The following ITGA2 variants were observed in gnomAD, a reference collection of about 807,000 sequenced individuals.
ITGA2 encodes integrin alpha-2.
A neutral mutation model predicts 146.3 loss-of-function variants in ITGA2; 101 were observed. That is an observed-to-expected ratio of 0.69 (90% CI 0.59 to 0.81). The LOEUF is 0.81. Among genes scored for constraint, ITGA2 ranks in the 40% least tolerant of loss-of-function variants. The pLI is 0.00. For synonymous variants in ITGA2, 477 were observed against 487.1 expected, an observed-to-expected ratio of 0.98 and a Z score of 0.27; for missense variants, 1,281 against 1,402.7, an observed-to-expected ratio of 0.91 and a Z score of 1.39.
At chr5:53,007,311 C>T (rs1032700270) in intron 1 of ITGA2, among the ~76,000 whole-genome samples, 1 of 152,016 alleles carries the variant, frequency 6.6e-6, no homozygotes, top group Non-Finnish European at 1.5e-5. Context: ...TCAGAAAAGA[C>T]CCTAACCAAA....
At chr5:53,070,647 G>A (rs1055544875) in intron 17 of ITGA2, among the ~76,000 whole-genome samples, 3 of 151,744 alleles carry the variant, frequency 2.0e-5, no homozygotes, top group Non-Finnish European at 2.9e-5. Flanking sequence ...TCCAATTGTG[G>A]TTTCTACTAT....
intron 19 of ITGA2, 108 bp downstream of exon 19, chr5:53,072,803 A>G (rs1745464045): frequency 3.1e-6 from 3 of 967,656 alleles, no homozygotes; most frequent in Non-Finnish European, 4.7e-6. Context: ...AAACATTCAT[A>G]ACTCATAAAT....
chr5:53,073,119 GAAC>G lies in ITGA2; in HGVS notation c.2435_2437del (p.Gln812del). 1 of 1,611,592 alleles carries G rather than the reference GAAC, an allele frequency of 6.2e-7. No individual in the cohort carries two copies. The highest frequency in any genetic ancestry group is 8.5e-7 in the Non-Finnish European group (1 of 1,178,568). Reference sequence around the variant, plus strand: ...CCCCCTCCTTTTTACTTTTAACAGAGAACAACCCTTTATTGTCAGCAACCAAAA... The same window carrying G: ...CCCCCTCCTTTTTACTTTTAACAGAGAACCCTTTATTGTCAGCAACCAAAA... On this transcript the variant is annotated inframe_deletion and splice_region_variant, in exon 20 of 30. Coordinates refer to ENST00000296585, the MANE Select transcript of ITGA2 (RefSeq NM_002203.4).
At chr5:53,010,639 C>T (rs888534945) in intron 1 of ITGA2, among the ~76,000 whole-genome samples, 15 of 152,042 alleles carry the variant, frequency 9.9e-5, no homozygotes, top group Non-Finnish European at 1.3e-4. Context: ...GATGAGATTT[C>T]GAGCTCAGAG....
chr5:53,049,307 C>T (rs1275388844), intron 6 of ITGA2, among the ~76,000 whole-genome samples: 10 of 152,132 alleles, frequency 6.6e-5, no homozygotes, highest in Non-Finnish European at 1.2e-4. Context: ...CCACCATGCC[C>T]GGCCAGGATA....
At position 53,053,010 on chromosome 5, in the gene ITGA2, C is replaced by A. The variant is rs1744452736; in HGVS notation, c.779+1451C>A. 2.6e-5 allele frequency among the ~76,000 whole-genome samples: 4 copies of A among 152,158 alleles called. No homozygotes were observed. The East Asian group carries it at 7.7e-4, about 29-fold the overall frequency. ...CACTTACCAAATTCAATCTGTCCCACACTGGCCTTATTCTTTTCCCTACCA... is the reference window on the plus strand; with the variant it reads ...CACTTACCAAATTCAATCTGTCCCAAACTGGCCTTATTCTTTTCCCTACCA... On this transcript the variant is annotated intron_variant, in intron 7 of 29. Transcript: ENST00000296585.
intron 17 of ITGA2, among the ~76,000 whole-genome samples, chr5:53,070,928 A>G (rs3212573): frequency 0.11 from 16,902 of 151,904 alleles, 1,137 homozygotes; most frequent in African/African-American, 0.19. Context: ...CTTAGAATAC[A>G]GTTCTCAGAA....
At chr5:53,075,726 C>T (rs1008589101) in intron 23 of ITGA2, among the ~76,000 whole-genome samples, 4 of 152,020 alleles carry the variant, frequency 2.6e-5, no homozygotes, top group Admixed American at 1.3e-4. Context: ...AAGCCCCAAG[C>T]ACAATGTTTT....
Position 53,051,513 on chromosome 5 carries a change from T to C in ITGA2, c.733T>C (p.Tyr245His), listed in dbSNP as rs1351610489. The C allele has an allele frequency of 6.2e-7, 1 of 1,613,636 alleles. No individual in the cohort carries two copies. The highest frequency in any genetic ancestry group is 8.5e-7 in the Non-Finnish European group (1 of 1,179,738). Residue 245 changes from tyrosine to histidine, a missense_variant, in exon 7 of 30, where the codon TAT (tyrosine) becomes CAT (histidine). Physicochemically the swap from Tyr to His is moderately conservative, Grantham distance 83 (BLOSUM62 2). Around this residue, in one of 3 missense-constraint regions of ITGA2, gnomAD observed 795 missense variants for 841.7 expected, o/e 0.94. Transcript: ENST00000296585. ...MIVATSQTSQ[Y>H]GGDLTNTFGA... Reference sequence around the variant, plus strand: ...TGTAGCAACATCCCAGACATCCCAATATGGTGGGGACCTCACAAACACATT... The same window carrying C: ...TGTAGCAACATCCCAGACATCCCAACATGGTGGGGACCTCACAAACACATT...
At chr5:53,032,159 G>C (rs1182454728) in intron 2 of ITGA2, among the ~76,000 whole-genome samples, 1 of 142,640 alleles carries the variant, frequency 7.0e-6, no homozygotes, top group African/African-American at 2.4e-5. Flanking sequence ...AAGTGTCATA[G>C]CAAAAAATAA....
At chr5:53,053,001 T>A (rs1744451516) in intron 7 of ITGA2, among the ~76,000 whole-genome samples, 1 of 152,168 alleles carries the variant, frequency 6.6e-6, no homozygotes, top group Non-Finnish European at 1.5e-5. Flanking sequence ...CCAAATTCAA[T>A]CTGTCCCACA....
chr5:53,000,352 T>A (rs1288570723), intron 1 of ITGA2, among the ~76,000 whole-genome samples: 1 of 152,214 alleles, frequency 6.6e-6, no homozygotes, highest in Non-Finnish European at 1.5e-5. Flanking sequence ...TTACATTGAT[T>A]GATATTAAAA....
At chr5:53,036,752 G>GA (rs1399274029) in intron 2 of ITGA2, among the ~76,000 whole-genome samples, 34 of 150,218 alleles carry the variant, frequency 2.3e-4, no homozygotes, top group Non-Finnish European at 3.4e-4. Flanking sequence ...CCTCAGGCTA[G>GA]AAACTTTTTT....
intron 9 of ITGA2, 123 bp from the exon 10 acceptor site, chr5:53,057,902 T>C: frequency 4.1e-6 from 3 of 727,084 alleles, no homozygotes; most frequent in East Asian, 5.3e-5. Flanking sequence ...TGGGTGAGTA[T>C]TGGAACAGTG....
chr5:53,044,967 TA>T (rs773620539), intron 3 of ITGA2, 33 bp from the exon 4 acceptor site: 1 of 1,498,200 alleles, frequency 6.7e-7, no homozygotes, highest in South Asian at 1.1e-5. Context: ...GAGGAATTTT[TA>T]ATCACTTTTA....
chr5:53,008,563 A>G (rs1319376771), intron 1 of ITGA2, among the ~76,000 whole-genome samples: 1 of 152,076 alleles, frequency 6.6e-6, no homozygotes, highest in African/African-American at 2.4e-5. Context: ...AGTGTCAAAC[A>G]TATGATATAT....
intron 23 of ITGA2, among the ~76,000 whole-genome samples, chr5:53,075,533 A>G (rs1336682238): frequency 1.3e-5 from 2 of 151,958 alleles, no homozygotes; most frequent in Non-Finnish European, 2.9e-5. Context: ...AGGCAGAGAA[A>G]GATCCCCGTA....
At chr5:53,083,987 G>GCC (rs1746040086) in intron 27 of ITGA2, among the ~76,000 whole-genome samples, 1 of 152,176 alleles carries the variant, frequency 6.6e-6, no homozygotes, top group Non-Finnish European at 1.5e-5. Flanking sequence ...TGTTGGGAGA[G>GCC]CCCAGTGGGC....
intron 1 of ITGA2, among the ~76,000 whole-genome samples, chr5:52,996,789 T>C (rs3212660): frequency 6.6e-6 from 1 of 152,306 alleles, no homozygotes; most frequent in Non-Finnish European, 1.5e-5. Flanking sequence ...GAAATATAGA[T>C]TTATGTTTCT....
Sources: gnomAD v4.1 joint callset for allele counts (sites outside exome capture counted in the v4.1 genomes callset) on GRCh38, gnomAD v4.1.1 for gene constraint, gnomAD v4.1.1 regional missense constraint, MANE v1.5 for transcripts, NCBI Gene and HGNC (gene_info 2026-07-23, HGNC 2026-07-21) for gene names.